FRMD4A: variants seen among roughly 807,000 people sequenced by gnomAD.
The protein encoded by FRMD4A is FERM domain-containing protein 4A.
FRMD4A carries 29 observed loss-of-function variants against 129.1 expected under a neutral mutation model. The ratio of observed to expected loss-of-function variants is 0.22; its 90% CI spans 0.17 to 0.31. The LOEUF is 0.31. Among genes scored for constraint, FRMD4A ranks in the 10% least tolerant of loss-of-function variants. The probability of loss-of-function intolerance (pLI) is 1.00; values close to 1 mark genes in which losing one functional copy is unlikely to be tolerated. For synonymous variants in FRMD4A, 634 were observed against 571.6 expected, an observed-to-expected ratio of 1.11 and a Z score of -1.56; for missense variants, 1,272 against 1,375.8, an observed-to-expected ratio of 0.92 and a Z score of 1.19.
chr10:14,012,781 TC>T (rs1196628549), intron 2 of FRMD4A, among the ~76,000 whole-genome samples: 1 of 152,170 alleles, frequency 6.6e-6, no homozygotes, highest in Non-Finnish European at 1.5e-5. Context: ...ATTTGTCCAA[TC>T]TTTTGCCCAG....
At chr10:13,970,481 A>T (rs950598143) in intron 2 of FRMD4A, among the ~76,000 whole-genome samples, 1 of 152,172 alleles carries the variant, frequency 6.6e-6, no homozygotes, top group Admixed American at 6.5e-5. Context: ...TTATTAAGGA[A>T]TTATAGACCA....
At chr10:14,296,372 A>G (rs1470997444) in intron 2 of FRMD4A, among the ~76,000 whole-genome samples, 1 of 152,108 alleles carries the variant, frequency 6.6e-6, no homozygotes, top group Non-Finnish European at 1.5e-5. Context: ...TCTCTGCTCA[A>G]CCTCATTCCC....
chr10:14,201,621 C>A (rs1292015554), intron 2 of FRMD4A, among the ~76,000 whole-genome samples: 1 of 152,146 alleles, frequency 6.6e-6, no homozygotes, highest in Non-Finnish European at 1.5e-5. Context: ...GAGGAGAGAA[C>A]CCCCTCTCTA....
intron 2 of FRMD4A, among the ~76,000 whole-genome samples, chr10:14,313,644 G>C (rs1046672044): frequency 1.3e-4 from 20 of 152,032 alleles, no homozygotes. Context: ...TCTGATTGGT[G>C]TCAGCTGTGT....
At chr10:13,892,936 G>C (rs949621532) in intron 2 of FRMD4A, among the ~76,000 whole-genome samples, 3 of 152,126 alleles carry the variant, frequency 2.0e-5, no homozygotes, top group African/African-American at 2.4e-5. Flanking sequence ...ATTTTCAACA[G>C]TTCAAAAGGC....
chr10:13,868,552 C>T (rs2094402363), intron 2 of FRMD4A, among the ~76,000 whole-genome samples: 1 of 152,086 alleles, frequency 6.6e-6, no homozygotes, highest in Non-Finnish European at 1.5e-5. Flanking sequence ...ACTGTAATGC[C>T]AGCACTTTGG....
At position 13,796,416 on chromosome 10, in the gene FRMD4A, C is replaced by T; in HGVS notation, c.299+80G>A. ...ACCAAGACAAACTTGAGCTCTCTTT[C>T]CTTGGAATCACTCTGCCCTCCCAGA... On this transcript the variant is annotated intron_variant, in intron 5 of 24. Coordinates refer to ENST00000357447, the MANE Select transcript of FRMD4A (RefSeq NM_018027.5). The T allele has an allele frequency of 3.9e-6, 3 of 767,716 alleles. No homozygotes were observed. The South Asian group carries it at 4.3e-5, about 11-fold the overall frequency. The allele number at this position is 767,716 out of a possible 1,614,324, so 47.6% of individuals were successfully genotyped here. A position where few individuals can be genotyped will look rare whatever the true frequency, so the allele number is the denominator to read the frequency against.
chr10:14,185,861 G>C (rs1331020746), intron 2 of FRMD4A, among the ~76,000 whole-genome samples: 1 of 152,112 alleles, frequency 6.6e-6, no homozygotes, highest in Non-Finnish European at 1.5e-5. Flanking sequence ...GTTTCCCATA[G>C]AGTTAGAGTG....
At chr10:14,329,654 AC>A (rs1370771481) in intron 2 of FRMD4A, among the ~76,000 whole-genome samples, 1 of 152,154 alleles carries the variant, frequency 6.6e-6, no homozygotes, top group African/African-American at 2.4e-5. Flanking sequence ...CCATTCTGTC[AC>A]CCCATGGGCA....
chr10:13,891,657 AAC>A, intron 2 of FRMD4A: 1 of 985,218 alleles, frequency 1.0e-6, no homozygotes, highest in Non-Finnish European at 1.2e-6. Context: ...GGATCCGAGG[AAC>A]TTCTGGCTGC....
At chr10:13,783,402 T>C (rs12359564) in intron 5 of FRMD4A, among the ~76,000 whole-genome samples, 1 of 152,310 alleles carries the variant, frequency 6.6e-6, no homozygotes, top group South Asian at 2.1e-4. Context: ...TTTTTTTTCT[T>C]TTTTTAGACA....
At chr10:13,967,292 G>A (rs1000028907) in intron 2 of FRMD4A, among the ~76,000 whole-genome samples, 3 of 152,044 alleles carry the variant, frequency 2.0e-5, no homozygotes, top group Admixed American at 6.5e-5. Flanking sequence ...AGCTGAGATC[G>A]CGCCACTGCA....
chr10:13,994,013 C>CTT lies in FRMD4A; in HGVS notation c.46-135103_46-135102dup, dbSNP rs551387633. On this transcript the variant is annotated intron_variant, in intron 2 of 24. Transcript: ENST00000357447. ...TGTAGATATTTAGGGTGGGACAGTC[C>CTT]TTTTTTTTTTTTTTGAGATGGAGCC... Among the ~76,000 whole-genome samples the CTT allele has an allele frequency of 3.0e-3, 410 of 134,572 alleles. 8 individuals carry two copies. The highest frequency in any genetic ancestry group is 4.6e-3 in the African/African-American group (169 of 36,684). 88.3% of individuals were successfully genotyped at this position (134,572 alleles called of 152,430 possible).
At chr10:13,880,617 C>T (rs2094536269) in intron 2 of FRMD4A, among the ~76,000 whole-genome samples, 1 of 152,120 alleles carries the variant, frequency 6.6e-6, no homozygotes, top group Non-Finnish European at 1.5e-5. Flanking sequence ...CACCACATGG[C>T]TCTGGGACCT....
chr10:14,283,297 T>G (rs1045869920), intron 2 of FRMD4A, among the ~76,000 whole-genome samples: 2 of 152,244 alleles, frequency 1.3e-5, no homozygotes. Context: ...TGGAATGACT[T>G]CTGCCAGTTT....
chr10:13,915,137 C>T (rs1392681270), intron 2 of FRMD4A, among the ~76,000 whole-genome samples: 2 of 152,166 alleles, frequency 1.3e-5, no homozygotes, highest in Admixed American at 6.5e-5. Context: ...TTCATGGCTA[C>T]ATTTTAAGAC....
At position 13,801,058 on chromosome 10, in the gene FRMD4A, C is replaced by T. The variant is rs111523014; in HGVS notation, c.207-4470G>A. Among the ~76,000 whole-genome samples, 379 of 152,294 alleles carry T rather than the reference C, an allele frequency of 2.5e-3. 1 individual carries two copies. The highest frequency in any genetic ancestry group is 8.5e-3 in the African/African-American group (354 of 41,564). ...GGTCAGGAGATCGAGACCATCCTGG[C>T]CAACATGCTGAAACCCCGTCTCTAC... On this transcript the variant is annotated intron_variant, in intron 4 of 24. Coordinates refer to ENST00000357447, the MANE Select transcript of FRMD4A (RefSeq NM_018027.5).
At chr10:13,986,189 T>A (rs1004413745) in intron 2 of FRMD4A, among the ~76,000 whole-genome samples, 19 of 152,022 alleles carry the variant, frequency 1.2e-4, no homozygotes, top group African/African-American at 4.6e-4. Flanking sequence ...CCTGGGAAGT[T>A]TTAAGAAAGT....
chr10:14,227,243 CTTTTTT>C lies in FRMD4A; in HGVS notation c.45+102809_45+102814del, dbSNP rs10674411. ...TCCTCCTCCTCCTTCTCTTCTTCTT[CTTTTTT>C]TTTTTTTTTTTTTTTTTTTTTAGGC... On this transcript the variant is annotated intron_variant, in intron 2 of 24. Coordinates refer to ENST00000357447, the MANE Select transcript of FRMD4A (RefSeq NM_018027.5). Among the ~76,000 whole-genome samples, 520 of 64,104 alleles carry C rather than the reference CTTTTTT, an allele frequency of 8.1e-3. 2 individuals carry two copies. Among genetic ancestry groups the C allele is most frequent in the Non-Finnish European group, 0.011 (420 of 36,872 alleles). The allele number at this position is 64,104 out of a possible 152,430, so 42.1% of individuals were successfully genotyped here.
Sources: gnomAD v4.1 joint callset for allele counts (sites outside exome capture counted in the v4.1 genomes callset) on GRCh38, gnomAD v4.1.1 for gene constraint, MANE v1.5 for transcripts, NCBI Gene and HGNC (gene_info 2026-07-23, HGNC 2026-07-21) for gene names.